Variants in ABLIM1 observed in about 807,000 individuals in gnomAD.
ABLIM1 encodes the protein actin-binding LIM protein 1.
Under a neutral mutation model 107.0 loss-of-function variants are expected in ABLIM1, and 40 were observed. That is an observed-to-expected ratio of 0.37 (90% CI 0.29 to 0.49). ABLIM1 has a LOEUF of 0.49. ABLIM1 is among the 20% of genes least tolerant of loss of function. The pLI is 0.97. For missense variants in ABLIM1, 857 were observed against 1,008.5 expected (o/e 0.85, Z 2.04); for synonymous variants, 357 against 357.3 (o/e 1.00, Z 0.01).
chr10:114,545,198 A>T, intron 5 of ABLIM1, 100 bp from the exon 6 acceptor site: 1 of 1,082,532 alleles, frequency 9.2e-7, no homozygotes, highest in South Asian at 1.3e-5. Flanking sequence ...GAAGGGCAGG[A>T]CATATTTCTC....
rs370199821 is a variant in ABLIM1, at chr10:114,436,384, G to T, written c.2224-11C>A. The stretch of plus-strand genomic sequence containing the variant: ...AGGGGCTAAGTGGCGCTGGGAAGAA[G>T]AAAAAAAAAAAAGAGCTGCTGTCAG... On this transcript the variant is annotated splice_polypyrimidine_tract_variant and intron_variant, in intron 22 of 22. Coordinates refer to ENST00000533213, the MANE Select transcript of ABLIM1 (RefSeq NM_002313.7). The T allele has an allele frequency of 5.5e-5, 68 of 1,245,812 alleles. No homozygotes were observed. Among genetic ancestry groups the T allele is most frequent in the South Asian group, 2.0e-4 (13 of 66,552 alleles). The allele number at this position is 1,245,812 out of a possible 1,614,324, so 77.2% of individuals were successfully genotyped here.
chr10:114,658,649 T>C (rs2141214206), upstream of ABLIM1, among the ~76,000 whole-genome samples: 1 of 152,254 alleles, frequency 6.6e-6, no homozygotes, highest in East Asian at 1.9e-4. Flanking sequence ...ATTCCAAGTT[T>C]TCCAGTATTT....
the ABLIM1 span, among the ~76,000 whole-genome samples, chr10:114,789,540 A>C: frequency 6.6e-6 from 1 of 152,308 alleles, no homozygotes; most frequent in South Asian, 2.1e-4. Flanking sequence ...TTACACTCCC[A>C]CCAGAAGTGT....
chr10:114,779,853 G>C, the ABLIM1 span: 1 of 151,550 alleles, frequency 6.6e-6, no homozygotes, highest in Non-Finnish European at 1.5e-5. Context: ...TCACATTCAT[G>C]CAACTATACG....
intron 6 of ABLIM1, among the ~76,000 whole-genome samples, chr10:114,509,930 G>T (rs2475232): frequency 0.25 from 38,298 of 152,118 alleles, 5,291 homozygotes; most frequent in East Asian, 0.56. Context: ...GCAAAGGGAC[G>T]TCTTACATGG....
the ABLIM1 span, among the ~76,000 whole-genome samples, chr10:114,775,630 C>G: frequency 2.0e-5 from 3 of 152,180 alleles, no homozygotes; most frequent in African/African-American, 7.2e-5. Flanking sequence ...CATTTAGATA[C>G]ATCAAATCAT....
chr10:114,461,177 C>T (rs1376421438), intron 12 of ABLIM1, among the ~76,000 whole-genome samples: 1 of 151,934 alleles, frequency 6.6e-6, no homozygotes, highest in Non-Finnish European at 1.5e-5. Context: ...AATCCTCCTG[C>T]TTCAGCCTCT....
At chr10:114,645,749 G>A (rs2078985614) in intron 1 of ABLIM1, among the ~76,000 whole-genome samples, 2 of 152,116 alleles carry the variant, frequency 1.3e-5, no homozygotes, top group South Asian at 4.1e-4. Context: ...AATATGTAAA[G>A]GAGACAACTT....
intron 1 of ABLIM1, among the ~76,000 whole-genome samples, chr10:114,677,601 C>T (rs1215477792): frequency 1.3e-5 from 2 of 152,042 alleles, no homozygotes; most frequent in Non-Finnish European, 2.9e-5. Flanking sequence ...GGTAAAACCC[C>T]GTCTCTACCA....
chr10:114,456,527 G>C (rs2133085424), intron 12 of ABLIM1, among the ~76,000 whole-genome samples: 1 of 152,186 alleles, frequency 6.6e-6, no homozygotes. Flanking sequence ...CTTTCACATA[G>C]ACCTCCACTG....
chr10:114,726,487 G>T (rs2081962240), intron 1 of ABLIM1, among the ~76,000 whole-genome samples: 1 of 151,974 alleles, frequency 6.6e-6, no homozygotes, highest in African/African-American at 2.4e-5. Context: ...AAGGGAGACT[G>T]GGGGGAGATT....
intron 6 of ABLIM1, among the ~76,000 whole-genome samples, chr10:114,541,846 CTTTA>C (rs1591043294): frequency 6.6e-6 from 1 of 152,036 alleles, no homozygotes; most frequent in Admixed American, 6.6e-5. Flanking sequence ...TTGGATCTAG[CTTTA>C]TTTTAGATTT....
intron 22 of ABLIM1, among the ~76,000 whole-genome samples, chr10:114,437,481 G>A (rs1223336367): frequency 5.3e-5 from 8 of 150,622 alleles, no homozygotes; most frequent in East Asian, 1.9e-4. Context: ...ACCATGCCCC[G>A]TGAATTTTTG....
intron 6 of ABLIM1, among the ~76,000 whole-genome samples, chr10:114,499,782 G>T (rs1055968491): frequency 1.3e-5 from 2 of 152,232 alleles, no homozygotes; most frequent in Non-Finnish European, 2.9e-5. Context: ...TGCATGGGCG[G>T]AAGGGAGAGG....
rs527601965 is a variant in ABLIM1 at position 114,669,298 on chromosome 10, G to T, written c.64+14992C>A. On this transcript the variant is annotated intron_variant, in intron 1 of 23. Transcript: ENST00000369256. ...ACTTACCCTGTCAAGGAAAGGGAGA[G>T]AAGCAGTTTGAAAACAAAACAAACA... Among the ~76,000 whole-genome samples, 9 of 152,270 alleles carry T rather than the reference G, an allele frequency of 5.9e-5. No individual in the cohort carries two copies. The South Asian group carries it at 1.9e-3, about 32-fold the overall frequency.
chr10:114,494,357 A>T (rs1347257416), intron 6 of ABLIM1, among the ~76,000 whole-genome samples: 1 of 152,202 alleles, frequency 6.6e-6, no homozygotes. Context: ...AAACAGTAAG[A>T]CCTTGTCTTT....
chr10:114,447,786 A>C, intron 15 of ABLIM1, 94 bp downstream of exon 15: 2 of 1,528,868 alleles, frequency 1.3e-6, no homozygotes, highest in Non-Finnish European at 1.8e-6. Flanking sequence ...TAAAATCTTC[A>C]TAATAGGATA....
At chr10:114,660,611 T>C (rs1261797143), upstream of ABLIM1, among the ~76,000 whole-genome samples, 1 of 152,220 alleles carries the variant, frequency 6.6e-6, no homozygotes, top group Non-Finnish European at 1.5e-5. Flanking sequence ...TAGAGTGTTT[T>C]GTAATAAACA....
At chr10:114,595,580 A>G (rs1566045955) in intron 2 of ABLIM1, among the ~76,000 whole-genome samples, 1 of 152,230 alleles carries the variant, frequency 6.6e-6, no homozygotes, top group Non-Finnish European at 1.5e-5. Flanking sequence ...CAAAGTGAAT[A>G]CTGAAGATAG....
Sources: gnomAD v4.1 joint callset for allele counts (sites outside exome capture counted in the v4.1 genomes callset) on GRCh38, gnomAD v4.1.1 for gene constraint, MANE v1.5 for transcripts, NCBI Gene and HGNC (gene_info 2026-07-23, HGNC 2026-07-21) for gene names.